NDC1: variants seen among roughly 807,000 people sequenced by gnomAD.
NDC1 encodes nucleoporin NDC1.
Under a neutral mutation model 89.8 loss-of-function variants are expected in NDC1, and 24 were observed. The observed-to-expected ratio is 0.27, with a 90% confidence interval of 0.19 to 0.38. The LOEUF is 0.38. Ranked by LOEUF, NDC1 falls within the 10% of genes least tolerant of loss-of-function variation. NDC1 has a pLI of 1.00. For missense variants in NDC1, 728 were observed against 797.6 expected, an observed-to-expected ratio of 0.91 and a Z score of 1.05; for synonymous variants, 296 against 284.8, an observed-to-expected ratio of 1.04 and a Z score of -0.39.
chr1:53,800,567 C>T (rs1320646080), intron 11 of NDC1, 126 bp downstream of exon 11: 37 of 911,622 alleles, frequency 4.1e-5, no homozygotes, highest in South Asian at 1.3e-4. Context: ...CCTCATGATC[C>T]GCCCACCTCG....
intron 10 of NDC1, among the ~76,000 whole-genome samples, chr1:53,802,753 G>A (rs1447657891): frequency 1.3e-5 from 2 of 152,114 alleles, no homozygotes; most frequent in African/African-American, 4.8e-5. Flanking sequence ...TTCCCTCTAG[G>A]AACAACAGAG....
At chr1:53,793,099 A>G (rs1401980271) in intron 14 of NDC1, 130 bp downstream of exon 14, 1 of 764,398 alleles carries the variant, frequency 1.3e-6, no homozygotes, top group East Asian at 2.5e-5. Flanking sequence ...TCAGTGAAGC[A>G]CTATGCAAAG....
chr1:53,769,625 C>T (rs748264232), intron 17 of NDC1, among the ~76,000 whole-genome samples: 1 of 152,172 alleles, frequency 6.6e-6, no homozygotes, highest in Non-Finnish European at 1.5e-5. Context: ...AGCTCAAGAG[C>T]TAACTTCATT....
intron 14 of NDC1, among the ~76,000 whole-genome samples, chr1:53,792,439 C>G (rs1647551147): frequency 6.6e-6 from 1 of 152,160 alleles, no homozygotes; most frequent in African/African-American, 2.4e-5. Context: ...GACTGTTATG[C>G]GTTATCTATA....
chr1:53,823,309 T>G (rs1200024196), intron 5 of NDC1, among the ~76,000 whole-genome samples: 5 of 152,220 alleles, frequency 3.3e-5, no homozygotes, highest in Non-Finnish European at 7.3e-5. Context: ...ATATATTTTT[T>G]GACCAAATAC....
chr1:53,791,320 G>A (rs1647493515), intron 14 of NDC1, among the ~76,000 whole-genome samples: 3 of 152,168 alleles, frequency 2.0e-5, no homozygotes, highest in African/African-American at 4.8e-5. Context: ...TCAGGAGGCT[G>A]AGGCAGGAGA....
rs1343346851 is a variant in NDC1 at position 53,797,107 on chromosome 1, C to A, written c.1260G>T (p.Met420Ile). 7 of 1,614,160 alleles carry A rather than the reference C, an allele frequency of 4.3e-6. No individual in the cohort carries two copies. The East Asian group carries it at 1.6e-4, about 36-fold the overall frequency. The change falls in exon 12 of 18, where the codon ATG (methionine) becomes ATT (isoleucine). Residue 420 changes from methionine to isoleucine, a missense_variant. Coordinates refer to ENST00000371429, the MANE Select transcript of NDC1 (RefSeq NM_018087.5). Reference sequence around the variant, plus strand: ...CTAATGGTGGCACTGAAGGCCGAGGCATCTGGCTAGATTTTGGTGTCTGAA... The same window carrying A: ...CTAATGGTGGCACTGAAGGCCGAGGAATCTGGCTAGATTTTGGTGTCTGAA... ...TAFQTPKSSQ[M>I]PRPSVPPLVK...
intron 16 of NDC1, among the ~76,000 whole-genome samples, chr1:53,786,601 C>T (rs780903115): frequency 6.6e-6 from 1 of 152,208 alleles, no homozygotes; most frequent in Non-Finnish European, 1.5e-5. Flanking sequence ...GTGTTTAATA[C>T]CAGGGGCATA....
Position 53,804,019 on chromosome 1 carries a change from G to A in NDC1, c.985-10C>T, listed in dbSNP as rs1371004373. ...CCTGCAAGGCTAAATACTAACAGGG[G>A]GAAAAAACACATATTATTTAATTTT... On this transcript the variant is annotated splice_polypyrimidine_tract_variant and intron_variant, in intron 9 of 17. Transcript: ENST00000371429. The A allele has an allele frequency of 6.3e-7, 1 of 1,594,796 alleles. No individual in the cohort carries two copies. Among genetic ancestry groups the A allele is most frequent in the Non-Finnish European group, 8.6e-7 (1 of 1,166,088 alleles).
At position 53,832,472 on chromosome 1, in the gene NDC1, T is replaced by C; in HGVS notation, c.280+18A>G. 7.9e-7 allele frequency: 1 copy of C among 1,264,208 alleles called. No homozygotes were observed. Among genetic ancestry groups the C allele is most frequent in the Non-Finnish European group, 1.2e-6 (1 of 868,224 alleles). 78.3% of individuals were successfully genotyped at this position (1,264,208 alleles called of 1,614,324 possible). A position where few individuals can be genotyped will look rare whatever the true frequency, so the allele number is the denominator to read the frequency against. On this transcript the variant is annotated intron_variant, in intron 3 of 17. Transcript: ENST00000371429. ...TAAATTCGCATATTTCTAAGAAGGT[T>C]AACATTTGAAAACTCACCTGCATAG...
intron 13 of NDC1, 66 bp downstream of exon 13, chr1:53,796,623 C>G: frequency 1.2e-6 from 1 of 863,146 alleles, no homozygotes; most frequent in Non-Finnish European, 1.8e-6. Context: ...ATGACTTACT[C>G]ATGTGAGATC....
At position 53,828,085 on chromosome 1, in the gene NDC1, T is replaced by C. The variant is rs768827939; in HGVS notation, c.369A>G (p.Ala123=). Residue 123 remains alanine, a synonymous_variant, in exon 4 of 18, where the codon GCA becomes GCG. Coordinates refer to ENST00000371429, the MANE Select transcript of NDC1 (RefSeq NM_018087.5). The part of the protein sequence containing the change: ...QQLMHSFIHA[A]MGMVMAWCAA... ...CACACCAGGCCATCACCATTCCCAT[T>C]GCAGCATGAATAAATGAGTGCATGA... The C allele has an allele frequency of 1.9e-6, 3 of 1,614,030 alleles. No individual in the cohort carries two copies. The highest frequency in any genetic ancestry group is 1.3e-5 in the African/African-American group (1 of 74,912).
Position 53,797,117 on chromosome 1 carries a change from G to A in NDC1, c.1250C>T (p.Ser417Phe). The A allele has an allele frequency of 6.2e-7, 1 of 1,614,114 alleles. No homozygotes were observed. Among genetic ancestry groups the A allele is most frequent in the Non-Finnish European group, 8.5e-7 (1 of 1,179,960 alleles). The change falls in exon 12 of 18, where the codon TCT (serine) becomes TTT (phenylalanine). Residue 417 changes from serine to phenylalanine, a missense_variant. Ser to Phe is a radical substitution (Grantham distance 155). Coordinates refer to ENST00000371429, the MANE Select transcript of NDC1 (RefSeq NM_018087.5). ...CACTGAAGGCCGAGGCATCTGGCTA[G>A]ATTTTGGTGTCTGAAAAGCAGTTTC... Reference protein sequence around the residue: ...PEETAFQTPKSSQMPRPSVPP... With the variant: ...PEETAFQTPKFSQMPRPSVPP...
chr1:53,804,342 C>T (rs536404991), intron 9 of NDC1, among the ~76,000 whole-genome samples: 2 of 152,346 alleles, frequency 1.3e-5, no homozygotes. Context: ...AACAATGGCA[C>T]TAACATCATG....
chr1:53,800,772 A>C lies in NDC1; in HGVS notation c.1143T>G (p.Ile381Met). ...NLLNGMTQKL[I>M]LYQEAAATNG... ...TCGTAGCAGCAGCTTCTTGATAGAG[A>C]ATCAGTTTCTGAGTCATACCATTTA... Residue 381 changes from isoleucine (I) to methionine (M), a missense_variant, in exon 11 of 18, where the codon ATT (isoleucine) becomes ATG (methionine). Coordinates refer to ENST00000371429, the MANE Select transcript of NDC1 (RefSeq NM_018087.5). 1 of 1,613,982 alleles carries C rather than the reference A, an allele frequency of 6.2e-7. No homozygotes were observed. The highest frequency in any genetic ancestry group is 8.5e-7 in the Non-Finnish European group (1 of 1,179,930).
chr1:53,807,439 T>C (rs951762608), intron 8 of NDC1, among the ~76,000 whole-genome samples: 1 of 151,636 alleles, frequency 6.6e-6, no homozygotes, highest in Non-Finnish European at 1.5e-5. Context: ...TTCAGTTTAA[T>C]CTCCAAAAAT....
intron 14 of NDC1, among the ~76,000 whole-genome samples, chr1:53,792,118 A>G (rs560970214): frequency 2.6e-5 from 4 of 151,938 alleles, no homozygotes; most frequent in East Asian, 1.9e-4. Flanking sequence ...AATTTTTTGT[A>G]TTTTTAGTAG....
intron 6 of NDC1, among the ~76,000 whole-genome samples, chr1:53,811,465 T>C (rs1025481644): frequency 2.6e-5 from 4 of 152,252 alleles, no homozygotes; most frequent in Non-Finnish European, 2.9e-5. Context: ...TTGGTTTGCA[T>C]GGGACCTGGG....
chr1:53,769,127 T>A (rs908364587), intron 17 of NDC1, among the ~76,000 whole-genome samples: 4 of 152,158 alleles, frequency 2.6e-5, no homozygotes, highest in African/African-American at 7.2e-5. Flanking sequence ...CAGTGAACTA[T>A]GCTATGATCT....
Sources: gnomAD v4.1 joint callset for allele counts (sites outside exome capture counted in the v4.1 genomes callset) on GRCh38, gnomAD v4.1.1 for gene constraint, MANE v1.5 for transcripts, NCBI Gene and HGNC (gene_info 2026-07-23, HGNC 2026-07-21) for gene names.